TNFSF18: variants seen among roughly 807,000 people sequenced by gnomAD.
The protein encoded by TNFSF18 is TNF superfamily member 18.
Under a neutral mutation model 9.6 loss-of-function variants are expected in TNFSF18, and 6 were observed. The observed-to-expected ratio is 0.63, with a 90% CI of 0.34 to 1.24. The LOEUF is 1.24. TNFSF18 is among the 50% of genes most tolerant of loss of function. The pLI is 0.03. For missense variants in TNFSF18, 210 were observed against 201.0 expected (o/e 1.04, Z -0.27); for synonymous variants, 68 against 71.7 (o/e 0.95, Z 0.26).
Position 173,041,731 on chromosome 1 carries a change from G to T in TNFSF18, c.188-18C>A. 1 of 1,533,886 alleles carries T rather than the reference G, an allele frequency of 6.5e-7. No homozygotes were observed. The highest frequency in any genetic ancestry group is 8.8e-7 in the Non-Finnish European group (1 of 1,139,954). On this transcript the variant is annotated intron_variant, in intron 2 of 2. Transcript: ENST00000404377. Reference sequence around the variant, plus strand: ...TAATGGTCCTATAAGAAATATACAAGGATAAAAAAGATGAAAGCATAGTTA... The same window carrying T: ...TAATGGTCCTATAAGAAATATACAATGATAAAAAAGATGAAAGCATAGTTA...
rs1199590244 is a variant in TNFSF18 at position 173,041,195 on chromosome 1, C to G, written c.*172G>C. 1.8e-6 allele frequency: 1 copy of G among 567,348 alleles called. No homozygotes were observed. Among genetic ancestry groups the G allele is most frequent in the Non-Finnish European group, 3.0e-6 (1 of 332,106 alleles). 35.1% of individuals were successfully genotyped at this position (567,348 alleles called of 1,614,324 possible). A position where few individuals can be genotyped will look rare whatever the true frequency, so the allele number is the denominator to read the frequency against. On this transcript the variant is annotated 3_prime_UTR_variant, in exon 3 of 3. Coordinates refer to ENST00000404377, the MANE Select transcript of TNFSF18 (RefSeq NM_005092.4). ...CCAACCAAAAGTCTTTGGCTCTTCC[C>G]CTGAGTCTCTTTCAGATAGGCATGA...
chr1:173,050,815 G>C lies in TNFSF18; in HGVS notation c.82C>G (p.Leu28Val). The C allele has an allele frequency of 6.2e-7, 1 of 1,613,560 alleles. No homozygotes were observed. Among genetic ancestry groups the C allele is most frequent in the Non-Finnish European group, 8.5e-7 (1 of 1,179,732 alleles). ...GAQRSSWKLW[L>V]FCSIVMLLFL... Reference sequence around the variant, plus strand: ...AGCAACATAACTATTGAGCAAAAGAGCCACAGCTTCCAGGATGATCTCTGA... The same window carrying C: ...AGCAACATAACTATTGAGCAAAAGACCCACAGCTTCCAGGATGATCTCTGA... Residue 28 changes from leucine (L) to valine (V), a missense_variant, in exon 1 of 3, where the codon CTC (leucine) becomes GTC (valine). Physicochemically the swap from Leu to Val is conservative, Grantham distance 32. Coordinates refer to ENST00000404377, the MANE Select transcript of TNFSF18 (RefSeq NM_005092.4).
rs748680500 is a variant in TNFSF18 at position 173,041,407 on chromosome 1, C to T, written c.494G>A (p.Trp165Ter). 6.2e-7 allele frequency: 1 copy of T among 1,612,776 alleles called. No individual in the cohort carries two copies. The part of the protein sequence containing the change: ...EHQVLKNNTY[W>*]GIILLANPQF... ...GGGATTTGCTAGTAAAATGATACCCCAGTATGTATTATTTTTTAGAACCTG... is the reference window on the plus strand; with the variant it reads ...GGGATTTGCTAGTAAAATGATACCCTAGTATGTATTATTTTTTAGAACCTG... Residue 165 changes from tryptophan (W) to a stop codon, truncating the protein, a stop_gained, in exon 3 of 3, where the codon TGG (tryptophan) becomes TAG (stop). Coordinates refer to ENST00000404377, the MANE Select transcript of TNFSF18 (RefSeq NM_005092.4). LOFTEE classifies it high-confidence loss of function.
Position 173,041,458 on chromosome 1 carries a change from A to G in TNFSF18, c.443T>C (p.Ile148Thr), listed in dbSNP as rs1448722075. 6 of 1,613,444 alleles carry G rather than the reference A, an allele frequency of 3.7e-6. No homozygotes were observed. Among genetic ancestry groups the G allele is most frequent in the Admixed American group, 3.3e-5 (2 of 59,930 alleles). ...ATGCTCAGAGTTGAATATCAAGTCTATGGTGTCCCCAACATGCAATTCATA... is the reference window on the plus strand; with the variant it reads ...ATGCTCAGAGTTGAATATCAAGTCTGTGGTGTCCCCAACATGCAATTCATA... ...GTYELHVGDT[I>T]DLIFNSEHQV... The change falls in exon 3 of 3, where the codon ATA becomes ACA. Residue 148 changes from isoleucine (I) to threonine (T), a missense_variant. Physicochemically the swap from Ile to Thr is moderately conservative, Grantham distance 89. Transcript: ENST00000404377.
At chr1:173,048,791 T>C (rs1665122263) in intron 1 of TNFSF18, among the ~76,000 whole-genome samples, 1 of 152,146 alleles carries the variant, frequency 6.6e-6, no homozygotes. Flanking sequence ...TCATGGGTAT[T>C]GTGACAATGT....
intron 2 of TNFSF18, among the ~76,000 whole-genome samples, chr1:173,042,355 A>G (rs369892738): frequency 1.3e-5 from 2 of 152,112 alleles, no homozygotes; most frequent in African/African-American, 4.8e-5. Context: ...CAGCACCTGA[A>G]AAAGTCCCTG....
Position 173,041,581 on chromosome 1 carries a change from T to C in TNFSF18, c.320A>G (p.Tyr107Cys). ...CACCTCAAAAGGAGCTACATCATTG[T>C]AGTTTGCATTGGGAGCCACTTGGCC... is the stretch of plus-strand genomic sequence containing the variant. Reference protein sequence around the residue: ...IYGQVAPNANYNDVAPFEVRL... With the variant: ...IYGQVAPNANCNDVAPFEVRL... The change falls in exon 3 of 3, where the codon TAC (tyrosine) becomes TGC (cysteine). Residue 107 changes from tyrosine to cysteine, a missense_variant. Coordinates refer to ENST00000404377, the MANE Select transcript of TNFSF18 (RefSeq NM_005092.4). 6.2e-7 allele frequency: 1 copy of C among 1,613,650 alleles called. No individual in the cohort carries two copies. Among genetic ancestry groups the C allele is most frequent in the Non-Finnish European group, 8.5e-7 (1 of 1,179,678 alleles).
In TNFSF18 at chr1:173,039,522, T is replaced by C. The variant is rs1664956935; in HGVS notation, c.*1845A>G. On this transcript the variant is annotated 3_prime_UTR_variant, in exon 3 of 3. Transcript: ENST00000404377. ...GTGAACTAGCTGTCCAAAAGGAAAATGTGTAGTGTTTGCCAATTTACATGG... is the reference window on the plus strand; with the variant it reads ...GTGAACTAGCTGTCCAAAAGGAAAACGTGTAGTGTTTGCCAATTTACATGG... Among the ~76,000 whole-genome samples, 1 of 152,006 alleles carries C rather than the reference T, an allele frequency of 6.6e-6. No homozygotes were observed. The highest frequency in any genetic ancestry group is 1.5e-5 in the Non-Finnish European group (1 of 68,004).
chr1:173,042,782 G>T (rs908346826), intron 2 of TNFSF18, among the ~76,000 whole-genome samples: 1 of 151,848 alleles, frequency 6.6e-6, no homozygotes, highest in Non-Finnish European at 1.5e-5. Flanking sequence ...TTTGTCCTTT[G>T]TCCCATAATT....
chr1:173,041,202 C>T lies in TNFSF18; in HGVS notation c.*165G>A. 2 of 584,154 alleles carry T rather than the reference C, an allele frequency of 3.4e-6. No individual in the cohort carries two copies. The highest frequency in any genetic ancestry group is 2.9e-6 in the Non-Finnish European group (1 of 344,014). 36.2% of individuals were successfully genotyped at this position (584,154 alleles called of 1,614,324 possible). A position where few individuals can be genotyped will look rare whatever the true frequency, so the allele number is the denominator to read the frequency against. ...AAAGTCTTTGGCTCTTCCCCTGAGT[C>T]TCTTTCAGATAGGCATGATAGATGA... On this transcript the variant is annotated 3_prime_UTR_variant, in exon 3 of 3. Coordinates refer to ENST00000404377, the MANE Select transcript of TNFSF18 (RefSeq NM_005092.4).
At chr1:173,041,825 A>T (rs1379412542) in intron 2 of TNFSF18, 112 bp from the exon 3 acceptor site, 19 of 989,704 alleles carry the variant, frequency 1.9e-5, no homozygotes, top group Non-Finnish European at 2.7e-5. Flanking sequence ...TCTTTACCTG[A>T]TCTACACTAG....
intron 1 of TNFSF18, among the ~76,000 whole-genome samples, chr1:173,048,209 G>A (rs1665114882): frequency 6.6e-6 from 1 of 152,260 alleles, no homozygotes; most frequent in Admixed American, 6.5e-5. Context: ...ACTCTGTGGG[G>A]TAAGTTTCTA....
In TNFSF18 at chr1:173,039,451, G is replaced by A. The variant is rs191410002; in HGVS notation, c.*1916C>T. 1.5e-4 allele frequency among the ~76,000 whole-genome samples: 23 copies of A among 152,094 alleles called. No individual in the cohort carries two copies. Among genetic ancestry groups the A allele is most frequent in the Admixed American group, 6.6e-4 (10 of 15,256 alleles). On this transcript the variant is annotated 3_prime_UTR_variant, in exon 3 of 3. Coordinates refer to ENST00000404377, the MANE Select transcript of TNFSF18 (RefSeq NM_005092.4). Reference sequence around the variant, plus strand: ...GCTATGATTATCCCAGGAATGAAGCGGGGGCAGAGAGGAGTCATTAAGGAG... The same window carrying A: ...GCTATGATTATCCCAGGAATGAAGCAGGGGCAGAGAGGAGTCATTAAGGAG...
rs1222203782 is a variant in TNFSF18 at position 173,039,666 on chromosome 1, CA to C, written c.*1700del. ...GCTAGCACCAGCCCACTCCAGCACA[CA>C]TTGCTTATAACACAACAAAGATCAA... On this transcript the variant is annotated 3_prime_UTR_variant, in exon 3 of 3. Transcript: ENST00000404377. Among the ~76,000 whole-genome samples, 1 of 151,974 alleles carries C rather than the reference CA, an allele frequency of 6.6e-6. No individual in the cohort carries two copies. The highest frequency in any genetic ancestry group is 1.5e-5 in the Non-Finnish European group (1 of 68,012).
chr1:173,049,297 A>T (rs1349015350), intron 1 of TNFSF18, among the ~76,000 whole-genome samples: 1 of 152,212 alleles, frequency 6.6e-6, no homozygotes, highest in Non-Finnish European at 1.5e-5. Flanking sequence ...CTTCAGGGTT[A>T]TCTGGCTAAT....
intron 1 of TNFSF18, among the ~76,000 whole-genome samples, chr1:173,048,303 C>G (rs907648701): frequency 6.6e-6 from 1 of 152,184 alleles, no homozygotes; most frequent in Admixed American, 6.5e-5. Context: ...TTAGAAGGAT[C>G]AGTTGCTTTT....
intron 1 of TNFSF18, among the ~76,000 whole-genome samples, chr1:173,048,224 T>G (rs1665115120): frequency 6.6e-6 from 1 of 152,216 alleles, no homozygotes; most frequent in African/African-American, 2.4e-5. Flanking sequence ...TTTCTATTTA[T>G]AATTCTGCTG....
At chr1:173,047,076 TG>T (rs1417680799) in intron 1 of TNFSF18, among the ~76,000 whole-genome samples, 1 of 152,162 alleles carries the variant, frequency 6.6e-6, no homozygotes, top group Non-Finnish European at 1.5e-5. Flanking sequence ...TGTATTTTTT[TG>T]TAGAGACAGG....
rs1664970524 is a variant in TNFSF18 at position 173,040,374 on chromosome 1, G to A, written c.*993C>T. ...TAGCAGAAATAACAATTCTAAAGCTGAGACAGTGCAATGCAGGGGACTACC... is the reference window on the plus strand; with the variant it reads ...TAGCAGAAATAACAATTCTAAAGCTAAGACAGTGCAATGCAGGGGACTACC... On this transcript the variant is annotated 3_prime_UTR_variant, in exon 3 of 3. Coordinates refer to ENST00000404377, the MANE Select transcript of TNFSF18 (RefSeq NM_005092.4). 1 of 152,178 alleles carries A rather than the reference G, an allele frequency of 6.6e-6. No homozygotes were observed. Among genetic ancestry groups the A allele is most frequent in the South Asian group, 2.1e-4 (1 of 4,828 alleles). The allele number at this position is 152,178 out of a possible 1,614,324, so 9.4% of individuals were successfully genotyped here. A position where few individuals can be genotyped will look rare whatever the true frequency, so the allele number is the denominator to read the frequency against.
Sources: gnomAD v4.1 joint callset for allele counts (sites outside exome capture counted in the v4.1 genomes callset) on GRCh38, gnomAD v4.1.1 for gene constraint, MANE v1.5 for transcripts, NCBI Gene and HGNC (gene_info 2026-07-23, HGNC 2026-07-21) for gene names.